The following NPAS3 variants were observed in gnomAD, a reference collection of about 807,000 sequenced individuals.
NPAS3 encodes the protein neuronal PAS domain-containing protein 3.
Under a neutral mutation model 73.1 loss-of-function variants are expected in NPAS3, and 14 were observed. The ratio of observed to expected loss-of-function variants is 0.19; its 90% CI spans 0.13 to 0.30. The LOEUF (loss-of-function observed/expected upper bound fraction) is 0.30, where lower values mean the gene tolerates loss of function less well. Among genes scored for constraint, NPAS3 ranks in the 10% least tolerant of loss-of-function variants. The pLI is 1.00. For missense variants in NPAS3, 1,096 were observed against 1,250.0 expected (o/e 0.88, Z 1.86); for synonymous variants, 620 against 541.5 (o/e 1.14, Z -2.01).
intron 5 of NPAS3, among the ~76,000 whole-genome samples, chr14:33,630,004 T>G (rs1199424543): frequency 6.6e-6 from 1 of 152,200 alleles, no homozygotes; most frequent in Non-Finnish European, 1.5e-5. Flanking sequence ...AGAGAGGGTA[T>G]TTAGCTGTCC....
intron 3 of NPAS3, among the ~76,000 whole-genome samples, chr14:33,362,565 G>T (rs1477314215): frequency 6.6e-6 from 1 of 152,146 alleles, no homozygotes; most frequent in African/African-American, 2.4e-5. Flanking sequence ...AGCCCAGGAA[G>T]TCAATGTCCA....
At chr14:33,512,828 C>A (rs1024477770) in intron 4 of NPAS3, among the ~76,000 whole-genome samples, 5 of 152,006 alleles carry the variant, frequency 3.3e-5, no homozygotes, top group African/African-American at 1.2e-4. Context: ...ATTTAGACTT[C>A]TTATTTTACA....
intron 2 of NPAS3, among the ~76,000 whole-genome samples, chr14:33,059,640 C>T (rs1031376941): frequency 4.6e-5 from 7 of 152,090 alleles, no homozygotes; most frequent in African/African-American, 9.7e-5. Flanking sequence ...TCTGTGTTTT[C>T]GCAAACACAT....
chr14:33,346,224 C>A (rs868507869), intron 3 of NPAS3, among the ~76,000 whole-genome samples: 157 of 127,374 alleles, frequency 1.2e-3, no homozygotes, highest in Admixed American at 1.4e-3. Flanking sequence ...GACTCCGTCT[C>A]AAAAAAAAAA....
intron 2 of NPAS3, among the ~76,000 whole-genome samples, chr14:33,155,665 A>G (rs1008092133): frequency 1.3e-5 from 2 of 152,182 alleles, no homozygotes; most frequent in Non-Finnish European, 2.9e-5. Context: ...GCTATGGAAG[A>G]GGTTTCTTCC....
upstream of NPAS3, chr14:32,935,040 C>T (rs2138990290): frequency 2.4e-6 from 3 of 1,228,190 alleles, no homozygotes; most frequent in Middle Eastern, 2.1e-4. Flanking sequence ...AGTGCCCCCG[C>T]CCCGGGGTGC....
At chr14:33,476,465 A>G (rs2051043067) in intron 4 of NPAS3, among the ~76,000 whole-genome samples, 1 of 152,218 alleles carries the variant, frequency 6.6e-6, no homozygotes, top group Non-Finnish European at 1.5e-5. Flanking sequence ...AGTGGAAGCA[A>G]ATAAATATTA....
intron 4 of NPAS3, among the ~76,000 whole-genome samples, chr14:33,464,067 G>A (rs1317228409): frequency 6.6e-6 from 1 of 152,058 alleles, no homozygotes; most frequent in Non-Finnish European, 1.5e-5. Flanking sequence ...CCCTTTTTTT[G>A]TTCCACTGTG....
intron 1 of NPAS3, among the ~76,000 whole-genome samples, chr14:32,946,317 A>T (rs2036246822): frequency 6.9e-6 from 1 of 145,674 alleles, no homozygotes; most frequent in Admixed American, 7.1e-5. Flanking sequence ...TAAGTTATTT[A>T]CTCCCCCATC....
chr14:33,249,907 T>C (rs1594507820), intron 3 of NPAS3, among the ~76,000 whole-genome samples: 2 of 147,064 alleles, frequency 1.4e-5, no homozygotes, highest in South Asian at 2.2e-4. Flanking sequence ...AAATCTGTCA[T>C]ACACACACAC....
intron 2 of NPAS3, among the ~76,000 whole-genome samples, chr14:33,063,732 C>T (rs570230275): frequency 6.6e-6 from 1 of 152,276 alleles, no homozygotes; most frequent in South Asian, 2.1e-4. Flanking sequence ...TGCTGACCTC[C>T]GCATTAGACC....
chr14:33,091,582 T>A (rs2138812848), intron 2 of NPAS3, among the ~76,000 whole-genome samples: 1 of 152,314 alleles, frequency 6.6e-6, no homozygotes, highest in African/African-American at 2.4e-5. Flanking sequence ...CTGGTACCAT[T>A]CCTTCTGAAG....
intron 4 of NPAS3, among the ~76,000 whole-genome samples, chr14:33,381,777 A>G (rs1566851152): frequency 2.0e-5 from 3 of 152,342 alleles, no homozygotes; most frequent in Non-Finnish European, 2.9e-5. Flanking sequence ...TAATAAAGAA[A>G]TATTTGCCCT....
intron 2 of NPAS3, among the ~76,000 whole-genome samples, chr14:33,167,755 C>T (rs1958006): frequency 0.94 from 142,673 of 152,270 alleles, 67,215 homozygotes; most frequent in Non-Finnish European, 0.99. Flanking sequence ...TAAGAGATAC[C>T]GTTGCTAACT....
intron 3 of NPAS3, among the ~76,000 whole-genome samples, chr14:33,363,892 T>C (rs2045715683): frequency 6.6e-6 from 1 of 151,508 alleles, no homozygotes; most frequent in Non-Finnish European, 1.5e-5. Context: ...AGACAAGTGG[T>C]TGCACATTCC....
At chr14:33,420,049 A>G (rs1394791277) in intron 4 of NPAS3, among the ~76,000 whole-genome samples, 3 of 152,000 alleles carry the variant, frequency 2.0e-5, no homozygotes, top group South Asian at 2.1e-4. Context: ...GTTTCAACAT[A>G]TTTGTTTTCT....
chr14:33,150,746 A>C (rs1231155141), intron 2 of NPAS3, among the ~76,000 whole-genome samples: 2 of 152,210 alleles, frequency 1.3e-5, no homozygotes, highest in Non-Finnish European at 2.9e-5. Flanking sequence ...AGTACAGCTA[A>C]GCCAGAACTT....
chr14:32,957,783 TG>T (rs2036739448), intron 1 of NPAS3, among the ~76,000 whole-genome samples: 1 of 152,242 alleles, frequency 6.6e-6, no homozygotes. Flanking sequence ...CCTTATCCTT[TG>T]GACTGACTTC....
chr14:33,745,583 AC>A (rs2061767515), intron 7 of NPAS3, among the ~76,000 whole-genome samples: 2 of 152,226 alleles, frequency 1.3e-5, no homozygotes, highest in Non-Finnish European at 2.9e-5. Context: ...ATCCATGTCT[AC>A]ATGTGAAATT....
Sources: gnomAD v4.1 joint callset for allele counts (sites outside exome capture counted in the v4.1 genomes callset) on GRCh38, gnomAD v4.1.1 for gene constraint, MANE v1.5 for transcripts, NCBI Gene and HGNC (gene_info 2026-07-23, HGNC 2026-07-21) for gene names.